The following PHYHIPL variants were observed in gnomAD, a reference collection of about 807,000 sequenced individuals.
The protein encoded by PHYHIPL is phytanoyl-CoA hydroxylase-interacting protein-like.
Under a neutral mutation model 33.4 loss-of-function variants are expected in PHYHIPL, and 9 were observed. The observed-to-expected ratio is 0.27, with a 90% CI of 0.16 to 0.47. The LOEUF (loss-of-function observed/expected upper bound fraction) is 0.47, where lower values mean the gene tolerates loss of function less well. Ranked by LOEUF, PHYHIPL falls within the 20% of genes least tolerant of loss-of-function variation. PHYHIPL has a pLI of 0.99. For missense variants in PHYHIPL, 365 were observed against 460.7 expected (o/e 0.79, Z 1.90); for synonymous variants, 153 against 154.1 (o/e 0.99, Z 0.05).
chr10:59,225,973 A>T (rs1041753889), intron 1 of PHYHIPL, among the ~76,000 whole-genome samples: 2 of 152,024 alleles, frequency 1.3e-5, no homozygotes, highest in Admixed American at 1.3e-4. Flanking sequence ...GTGGAGGAAA[A>T]TTTACCAATA....
chr10:59,230,806 G>A (rs1471819681), intron 1 of PHYHIPL, among the ~76,000 whole-genome samples: 1 of 151,974 alleles, frequency 6.6e-6, no homozygotes, highest in East Asian at 1.9e-4. Flanking sequence ...TATCTAGAAG[G>A]GCAGTTAAAA....
intron 1 of PHYHIPL, among the ~76,000 whole-genome samples, chr10:59,177,855 G>C (rs192779007): frequency 6.6e-6 from 1 of 152,272 alleles, no homozygotes; most frequent in East Asian, 1.9e-4. Flanking sequence ...TAATTGGTTG[G>C]CCGAATAATT....
chr10:59,192,955 T>C (rs1469687077), intron 1 of PHYHIPL, among the ~76,000 whole-genome samples: 2 of 152,182 alleles, frequency 1.3e-5, no homozygotes, highest in African/African-American at 2.4e-5. Flanking sequence ...TTAGAAATTT[T>C]CATCTGTGTC....
At chr10:59,216,749 G>T (rs1021271608) in intron 1 of PHYHIPL, among the ~76,000 whole-genome samples, 5 of 152,074 alleles carry the variant, frequency 3.3e-5, no homozygotes, top group Non-Finnish European at 7.4e-5. Flanking sequence ...GATAGCCTTT[G>T]GCAGGTCTTT....
Position 59,245,148 on chromosome 10 carries a change from T to C in PHYHIPL, c.688T>C (p.Phe230Leu). ...CAGTGGAAAATTAGAAGGCATCTTC[T>C]TCAGCTGCAGCACTGAATTCAATAC... ...PISGKLEGIF[F>L]SCSTEFNTGK... The change falls in exon 5 of 5, where the codon TTC becomes CTC. Residue 230 changes from phenylalanine (F) to leucine (L), a missense_variant. Phe to Leu is a conservative substitution (Grantham distance 22). Coordinates refer to ENST00000373880, the MANE Select transcript of PHYHIPL (RefSeq NM_032439.4). The C allele has an allele frequency of 6.2e-7, 1 of 1,614,170 alleles. No individual in the cohort carries two copies. The highest frequency in any genetic ancestry group is 1.6e-4 in the Middle Eastern group (1 of 6,062).
At chr10:59,240,164 A>T (rs1840347931) in intron 4 of PHYHIPL, among the ~76,000 whole-genome samples, 1 of 152,066 alleles carries the variant, frequency 6.6e-6, no homozygotes, top group South Asian at 2.1e-4. Flanking sequence ...ATTGGTATAT[A>T]CCCTAGAGTC....
intron 3 of PHYHIPL, among the ~76,000 whole-genome samples, chr10:59,237,208 G>A (rs1372135300): frequency 6.6e-6 from 1 of 151,764 alleles, no homozygotes; most frequent in African/African-American, 2.4e-5. Context: ...TGCTTCACTC[G>A]AAAGTACCTC....
upstream of PHYHIPL, chr10:59,176,553 C>T: frequency 4.5e-6 from 1 of 221,704 alleles, no homozygotes; most frequent in Non-Finnish European, 8.8e-6. Flanking sequence ...CGCGTCGAAG[C>T]CCTATACATC....
intron 1 of PHYHIPL, among the ~76,000 whole-genome samples, chr10:59,234,085 C>T (rs1840158205): frequency 6.6e-6 from 1 of 151,556 alleles, no homozygotes; most frequent in Non-Finnish European, 1.5e-5. Context: ...TTAGAGGGAA[C>T]CTAACCATAT....
At chr10:59,179,872 C>CAA (rs1838354148) in intron 1 of PHYHIPL, among the ~76,000 whole-genome samples, 1 of 150,854 alleles carries the variant, frequency 6.6e-6, no homozygotes, top group Admixed American at 6.6e-5. Context: ...CACACACACA[C>CAA]ACACACACAC....
intron 1 of PHYHIPL, among the ~76,000 whole-genome samples, chr10:59,199,253 C>G (rs1290242700): frequency 6.6e-6 from 1 of 152,136 alleles, no homozygotes; most frequent in South Asian, 2.1e-4. Flanking sequence ...AGGAAGGGAT[C>G]CAGTTTCAGC....
chr10:59,242,979 A>G (rs1019555593), intron 4 of PHYHIPL, among the ~76,000 whole-genome samples: 19 of 152,180 alleles, frequency 1.2e-4, no homozygotes, highest in African/African-American at 4.1e-4. Context: ...GTGGGGCTGA[A>G]AAAGTATTCA....
chr10:59,176,802 G>T lies in PHYHIPL; in HGVS notation c.-52G>T, dbSNP rs1488840190. 1.3e-6 allele frequency: 2 copies of T among 1,521,190 alleles called. No homozygotes were observed. Among genetic ancestry groups the T allele is most frequent in the Admixed American group, 3.7e-5 (2 of 53,486 alleles). 94.2% of individuals were successfully genotyped at this position (1,521,190 alleles called of 1,614,324 possible). ...TCCCGCTCTTCTTGCCCACCCGGCC[G>T]GCAGAGAGAGCCTGGATACGAAGCA... On this transcript the variant is annotated 5_prime_UTR_variant, in exon 1 of 5. Transcript: ENST00000373880.
At chr10:59,224,456 GAAACAAAACAAAACA>G (rs57121387) in intron 1 of PHYHIPL, among the ~76,000 whole-genome samples, 2 of 139,806 alleles carry the variant, frequency 1.4e-5, no homozygotes, top group Non-Finnish European at 3.1e-5. Context: ...CTGTCTCAAG[GAAACAAAACAAAACA>G]AAACAAAACA....
At chr10:59,191,881 C>T (rs1009527161) in intron 1 of PHYHIPL, among the ~76,000 whole-genome samples, 1 of 146,852 alleles carries the variant, frequency 6.8e-6, no homozygotes, top group Admixed American at 6.7e-5. Flanking sequence ...AACTTTATCC[C>T]AAACAAGAAT....
chr10:59,176,433 G>A (rs114285576), upstream of PHYHIPL, among the ~76,000 whole-genome samples: 1,229 of 152,140 alleles, frequency 8.1e-3, 25 homozygotes, highest in African/African-American at 0.028. Context: ...CCTCACGCGC[G>A]AGGTTGCCTT....
chr10:59,234,375 A>G lies in PHYHIPL; in HGVS notation c.178A>G (p.Asn60Asp). ...LPVPHNIKIS[N>D]ITCDSFKISW... Reference sequence around the variant, plus strand: ...TGTACCACATAACATCAAAATAAGCAATATAACGTGTGACTCATTCAAGAT... The same window carrying G: ...TGTACCACATAACATCAAAATAAGCGATATAACGTGTGACTCATTCAAGAT... Residue 60 changes from asparagine to aspartate, a missense_variant, in exon 2 of 5, where the codon AAT becomes GAT. Around this residue, in one of 4 missense-constraint regions of PHYHIPL, gnomAD observed 89 missense variants for 78.3 expected, o/e 1.14. Coordinates refer to ENST00000373880, the MANE Select transcript of PHYHIPL (RefSeq NM_032439.4). The G allele has an allele frequency of 6.2e-7, 1 of 1,603,266 alleles. No homozygotes were observed. Among genetic ancestry groups the G allele is most frequent in the Non-Finnish European group, 8.5e-7 (1 of 1,176,234 alleles).
chr10:59,187,816 C>T (rs1038009122), intron 1 of PHYHIPL, among the ~76,000 whole-genome samples: 1 of 152,148 alleles, frequency 6.6e-6, no homozygotes, highest in South Asian at 2.1e-4. Context: ...GTGATATCCC[C>T]TTTATCATTT....
intron 1 of PHYHIPL, among the ~76,000 whole-genome samples, chr10:59,224,746 G>A (rs1036714417): frequency 1.3e-5 from 2 of 151,992 alleles, no homozygotes; most frequent in African/African-American, 2.4e-5. Context: ...TTCAAATTAC[G>A]TTGTAATTAG....
Sources: gnomAD v4.1 joint callset for allele counts (sites outside exome capture counted in the v4.1 genomes callset) on GRCh38, gnomAD v4.1.1 for gene constraint, gnomAD v4.1.1 regional missense constraint, MANE v1.5 for transcripts, NCBI Gene and HGNC (gene_info 2026-07-23, HGNC 2026-07-21) for gene names.